Variants in TMEM94 observed in about 807,000 individuals in gnomAD.
The protein encoded by TMEM94 is transmembrane protein 94.
In TMEM94, 81 loss-of-function variants were observed where a neutral mutation model predicts 158.6. The observed-to-expected ratio is 0.51, with a 90% CI of 0.43 to 0.61. The LOEUF is 0.61. TMEM94 is among the 20% of genes least tolerant of loss of function. The pLI is 0.00. For missense variants in TMEM94, 1,435 were observed against 1,762.0 expected, an observed-to-expected ratio of 0.81 and a Z score of 3.32; for synonymous variants, 751 against 730.7, an observed-to-expected ratio of 1.03 and a Z score of -0.45.
chr17:75,496,221 G>T (rs778674385), intron 23 of TMEM94, 61 bp from the exon 24 acceptor site: 4 of 1,605,872 alleles, frequency 2.5e-6, no homozygotes, highest in Non-Finnish European at 3.4e-6. Flanking sequence ...GGAGAAGAGG[G>T]TGGGGTGCCC....
Position 75,492,320 on chromosome 17 carries a change from G to A in TMEM94, c.1597-154G>A. ...GAAGGACAGGAAGCGGATTTCAGGA[G>A]GGAGCGGGTGGAAGAGGGTGAGCAG... On this transcript the variant is annotated intron_variant, in intron 14 of 31. Transcript: ENST00000314256. The surrounding 1 kb of genome is among the most constrained non-coding windows in gnomAD (Gnocchi z 4.4). 1 of 1,431,836 alleles carries A rather than the reference G, an allele frequency of 7.0e-7. No homozygotes were observed. Among genetic ancestry groups the A allele is most frequent in the South Asian group, 1.5e-5 (1 of 65,772 alleles). 88.7% of individuals were successfully genotyped at this position (1,431,836 alleles called of 1,614,324 possible).
chr17:75,490,164 G>T (rs2052030974), intron 9 of TMEM94, 70 bp from the exon 10 acceptor site: 5 of 1,579,508 alleles, frequency 3.2e-6, no homozygotes, highest in Non-Finnish European at 4.3e-6. Context: ...TGGGGCCAGG[G>T]CAGCCCTTCC....
Position 75,487,875 on chromosome 17 carries a change from G to T in TMEM94, c.410-57G>T. ...TGCTTCCGGAAGTGCTGCTGTATCTGACTGGGGGGCAGGGCCGTGGCTGAG... is the reference window on the plus strand; with the variant it reads ...TGCTTCCGGAAGTGCTGCTGTATCTTACTGGGGGGCAGGGCCGTGGCTGAG... On this transcript the variant is annotated intron_variant, in intron 5 of 31. Transcript: ENST00000314256. This position sits in a 1 kb window ranked among gnomAD's most constrained non-coding sequence, Gnocchi z 4.6. 2 of 1,472,330 alleles carry T rather than the reference G, an allele frequency of 1.4e-6. No individual in the cohort carries two copies. The highest frequency in any genetic ancestry group is 1.2e-5 in the South Asian group (1 of 86,254). 91.2% of individuals were successfully genotyped at this position (1,472,330 alleles called of 1,614,324 possible). A position where few individuals can be genotyped will look rare whatever the true frequency, so the allele number is the denominator to read the frequency against.
chr17:75,490,987 C>T, intron 11 of TMEM94, 62 bp from the exon 12 acceptor site: 1 of 1,343,808 alleles, frequency 7.4e-7, no homozygotes, highest in South Asian at 1.3e-5. Context: ...CCCCTAGAGG[C>T]CGTCTCCAGG....
At position 75,485,640 on chromosome 17, in the gene TMEM94, C is replaced by T; in HGVS notation, c.144+93C>T. ...CAGGACTCTGATGTACCCTGTCACC[C>T]TGGACAGTGTGACCCAACTGAGGCC... On this transcript the variant is annotated intron_variant, in intron 3 of 31. Transcript: ENST00000314256. This position sits in a 1 kb window ranked among gnomAD's most constrained non-coding sequence, Gnocchi z 5.5. 6.5e-7 allele frequency: 1 copy of T among 1,544,320 alleles called. No individual in the cohort carries two copies. Among genetic ancestry groups the T allele is most frequent in the Non-Finnish European group, 8.9e-7 (1 of 1,125,218 alleles).
At position 75,478,482 on chromosome 17, in the gene TMEM94, G is replaced by A. The variant is rs372173061; in HGVS notation, c.24+6553G>A. Among the ~76,000 whole-genome samples the A allele has an allele frequency of 7.2e-5, 11 of 152,224 alleles. 1 individual carries two copies. The East Asian group carries it at 9.7e-4, about 13-fold the overall frequency. Reference sequence around the variant, plus strand: ...CTCAGGTGTGTCGGCTCTCGAAGGCGCCTTAGCCTATCCGGGTGCTCAGCT... The same window carrying A: ...CTCAGGTGTGTCGGCTCTCGAAGGCACCTTAGCCTATCCGGGTGCTCAGCT... On this transcript the variant is annotated intron_variant, in intron 2 of 31. Coordinates refer to ENST00000314256, the MANE Select transcript of TMEM94 (RefSeq NM_014738.6).
In TMEM94 at chr17:75,490,461, T is replaced by G. The variant is rs994218954; in HGVS notation, c.1071+111T>G. On this transcript the variant is annotated intron_variant, in intron 10 of 31. Transcript: ENST00000314256. ...CCCCACCTTGGGCTCGGCATGTTGG[T>G]CAGCCTGGGCAGCTCTCCAGGCCTC... 6.2e-6 allele frequency: 8 copies of G among 1,294,068 alleles called. No individual in the cohort carries two copies. In the East Asian group the frequency reaches 1.2e-4, roughly 19 times the overall value. 80.2% of individuals were successfully genotyped at this position (1,294,068 alleles called of 1,614,324 possible).
chr17:75,469,018 G>T (rs2050403810), intron 1 of TMEM94, among the ~76,000 whole-genome samples: 1 of 152,104 alleles, frequency 6.6e-6, no homozygotes, highest in South Asian at 2.1e-4. Flanking sequence ...GGGAGGGTGA[G>T]GGCTGGTGAG....
At position 75,490,366 on chromosome 17, in the gene TMEM94, G is replaced by GT. The variant is rs779623436; in HGVS notation, c.1071+17dup. On this transcript the variant is annotated intron_variant, in intron 10 of 31. Coordinates refer to ENST00000314256, the MANE Select transcript of TMEM94 (RefSeq NM_014738.6). ...CAGCTCCCTGGTAGGTTTTTCCAAG[G>GT]TGTCTGGGGGAAGTCACAGGAACAA... 6.2e-7 allele frequency: 1 copy of GT among 1,609,024 alleles called. No individual in the cohort carries two copies. The highest frequency in any genetic ancestry group is 8.5e-7 in the Non-Finnish European group (1 of 1,178,282).
chr17:75,481,347 C>T (rs1172908251), intron 2 of TMEM94, among the ~76,000 whole-genome samples: 1 of 152,252 alleles, frequency 6.6e-6, no homozygotes, highest in Non-Finnish European at 1.5e-5. Flanking sequence ...TGGGAAGAGG[C>T]GGCTCTTATC....
chr17:75,492,655 T>C lies in TMEM94; in HGVS notation c.1778T>C (p.Leu593Pro). The C allele has an allele frequency of 6.2e-7, 1 of 1,613,970 alleles. No homozygotes were observed. Among genetic ancestry groups the C allele is most frequent in the Non-Finnish European group, 8.5e-7 (1 of 1,179,988 alleles). ...CTGGGCCTCAATGTGCTGCTGAACC[T>C]GTGTGATGCCAGCGTCACCGAGCGC... ...KPLGLNVLLN[L>P]CDASVTERLC... The change falls in exon 15 of 32, where the codon CTG becomes CCG. Residue 593 changes from leucine (L) to proline (P), a missense_variant. Leu to Pro is a moderately conservative substitution (Grantham distance 98, BLOSUM62 -3). Transcript: ENST00000314256. This position sits in a 1 kb window ranked among gnomAD's most constrained non-coding sequence, Gnocchi z 4.4.
intron 1 of TMEM94, among the ~76,000 whole-genome samples, chr17:75,467,061 G>C (rs1192855440): frequency 1.4e-5 from 2 of 146,092 alleles, no homozygotes; most frequent in Non-Finnish European, 3.0e-5. Context: ...TGCAACCTCT[G>C]CCTCCCGGGT....
chr17:75,480,385 G>A (rs2051067205), intron 2 of TMEM94, among the ~76,000 whole-genome samples: 1 of 152,246 alleles, frequency 6.6e-6, no homozygotes, highest in African/African-American at 2.4e-5. Context: ...AACAAGCGGG[G>A]GCAGATGCAC....
chr17:75,462,001 G>GTTTTTTTTTTTTTTTTTTTTTTTTTTTT, intron 1 of TMEM94, among the ~76,000 whole-genome samples: 1 of 85,664 alleles, frequency 1.2e-5, no homozygotes, highest in African/African-American at 5.7e-5. Context: ...TTTTTGTTTT[G>GTTTTTTTTTTTTTTTTTTTTTTTTTTTT]TTTTGTTTTG....
At position 75,495,464 on chromosome 17, in the gene TMEM94, TAG is replaced by T. The variant is rs776787899; in HGVS notation, c.2844+70_2844+71del. 3.1e-6 allele frequency: 5 copies of T among 1,588,760 alleles called. No homozygotes were observed. Among genetic ancestry groups the T allele is most frequent in the Non-Finnish European group, 4.3e-6 (5 of 1,158,460 alleles). ...TCCCATAGCTGGTCCAGGGGAGAGGTAGAGAGGTGGTGGGCAGGCGGTGGAGG... is the reference window on the plus strand; with the variant it reads ...TCCCATAGCTGGTCCAGGGGAGAGGTAGAGGTGGTGGGCAGGCGGTGGAGG... On this transcript the variant is annotated intron_variant, in intron 21 of 31. Coordinates refer to ENST00000314256, the MANE Select transcript of TMEM94 (RefSeq NM_014738.6). The surrounding 1 kb of genome is among the most constrained non-coding windows in gnomAD (Gnocchi z 5.6).
intron 1 of TMEM94, among the ~76,000 whole-genome samples, chr17:75,464,101 A>C (rs533650261): frequency 1.3e-5 from 2 of 152,190 alleles, no homozygotes; most frequent in South Asian, 4.1e-4. Context: ...GCTCCCACTT[A>C]GTTCTTTTTG....
intron 1 of TMEM94, among the ~76,000 whole-genome samples, chr17:75,458,465 G>T (rs1373066648): frequency 6.6e-6 from 1 of 151,984 alleles, no homozygotes; most frequent in East Asian, 1.9e-4. Flanking sequence ...ACTTTGGGAG[G>T]CTGCTGTGGG....
At chr17:75,467,350 A>G (rs747507735) in intron 1 of TMEM94, among the ~76,000 whole-genome samples, 10 of 150,958 alleles carry the variant, frequency 6.6e-5, no homozygotes, top group Non-Finnish European at 1.5e-4. Context: ...ATAGAAATAT[A>G]TTTATATTTT....
At position 75,492,903 on chromosome 17, in the gene TMEM94, C is replaced by T; in HGVS notation, c.1913-26C>T. On this transcript the variant is annotated intron_variant, in intron 15 of 31. Transcript: ENST00000314256. The surrounding 1 kb of genome is among the most constrained non-coding windows in gnomAD (Gnocchi z 4.4). Reference sequence around the variant, plus strand: ...GGCAGGGTATTGCCAGGGCATGGCCCTAAGTTCCTGTTCCCCGCCCTGCAG... The same window carrying T: ...GGCAGGGTATTGCCAGGGCATGGCCTTAAGTTCCTGTTCCCCGCCCTGCAG... 2.5e-6 allele frequency: 4 copies of T among 1,601,670 alleles called. No individual in the cohort carries two copies. Among genetic ancestry groups the T allele is most frequent in the Non-Finnish European group, 3.4e-6 (4 of 1,172,038 alleles).
Sources: allele counts gnomAD v4.1 joint callset (sites outside exome capture counted in the v4.1 genomes callset), GRCh38; gene constraint gnomAD v4.1.1; non-coding constraint Gnocchi (gnomAD v3.1); transcripts MANE v1.5; gene names NCBI Gene and HGNC (gene_info 2026-07-23, HGNC 2026-07-21).